The following CNTN5 variants were observed in gnomAD, a reference collection of about 807,000 sequenced individuals.
The protein encoded by CNTN5 is contactin 5.
Under a neutral mutation model 129.1 loss-of-function variants are expected in CNTN5, and 77 were observed. The observed-to-expected ratio is 0.60, with a 90% CI of 0.50 to 0.72. The LOEUF is 0.72. Among genes scored for constraint, CNTN5 ranks in the 30% least tolerant of loss-of-function variants. The pLI is 0.00. For missense variants in CNTN5, 1,478 were observed against 1,328.8 expected (o/e 1.11, Z -1.75); for synonymous variants, 509 against 465.6 (o/e 1.09, Z -1.20).
chr11:100,039,847 G>C (rs1415231568), intron 9 of CNTN5, among the ~76,000 whole-genome samples: 4 of 152,066 alleles, frequency 2.6e-5, no homozygotes, highest in Non-Finnish European at 5.9e-5. Flanking sequence ...TCTCTGCATT[G>C]GTTATCCTGG....
At chr11:99,051,528 A>G (rs993034455) in intron 1 of CNTN5, among the ~76,000 whole-genome samples, 1 of 151,962 alleles carries the variant, frequency 6.6e-6, no homozygotes, top group African/African-American at 2.4e-5. Context: ...TACTAGAAAC[A>G]AGCTTGGTTT....
chr11:99,352,832 G>A lies in CNTN5; in HGVS notation c.-71+27348G>A, dbSNP rs572297382. On this transcript the variant is annotated intron_variant, in intron 2 of 24. Coordinates refer to ENST00000524871, the MANE Select transcript of CNTN5 (RefSeq NM_014361.4). ...TGTCCTTGGGGTCAAGGGCCTTGTC[G>A]CACTTGTCAACATCACTTCTAGTCT... Among the ~76,000 whole-genome samples, 14 of 152,222 alleles carry A rather than the reference G, an allele frequency of 9.2e-5. No homozygotes were observed. The South Asian group carries it at 1.9e-3, about 20-fold the overall frequency.
chr11:100,348,099 C>T (rs989939504), intron 23 of CNTN5, among the ~76,000 whole-genome samples: 3 of 151,826 alleles, frequency 2.0e-5, no homozygotes, highest in African/African-American at 7.3e-5. Context: ...ATACATTAGA[C>T]AATTTTCTTT....
In CNTN5 at chr11:99,349,172, C is replaced by G. The variant is rs1377152949; in HGVS notation, c.-71+23688C>G. On this transcript the variant is annotated intron_variant, in intron 2 of 24. Coordinates refer to ENST00000524871, the MANE Select transcript of CNTN5 (RefSeq NM_014361.4). ...CTAATATTAGTCTATGGCCAGACCA[C>G]CCTGAATGTGCCCGATCGTGTCTGA... Among the ~76,000 whole-genome samples, 7 of 152,120 alleles carry G rather than the reference C, an allele frequency of 4.6e-5. No individual in the cohort carries two copies. In the South Asian group the frequency reaches 1.4e-3, roughly 31 times the overall value.
intron 21 of CNTN5, among the ~76,000 whole-genome samples, chr11:100,319,135 C>T (rs889597053): frequency 1.3e-5 from 2 of 150,730 alleles, no homozygotes; most frequent in Admixed American, 6.6e-5. Context: ...ATCCTGACTT[C>T]TGTTTTCTTT....
intron 3 of CNTN5, among the ~76,000 whole-genome samples, chr11:99,646,375 ATTGACACT>A (rs1951961880): frequency 6.6e-6 from 1 of 152,172 alleles, no homozygotes; most frequent in Non-Finnish European, 1.5e-5. Flanking sequence ...TTCTATCTGC[ATTGACACT>A]TTGCTTGTGT....
At chr11:99,898,076 T>A (rs1949255735) in intron 6 of CNTN5, among the ~76,000 whole-genome samples, 1 of 151,990 alleles carries the variant, frequency 6.6e-6, no homozygotes, top group South Asian at 2.1e-4. Flanking sequence ...AGTGAAGGCA[T>A]TGCTAAGAGG....
At chr11:100,062,824 A>G (rs1477508002) in intron 10 of CNTN5, among the ~76,000 whole-genome samples, 3 of 152,216 alleles carry the variant, frequency 2.0e-5, no homozygotes, top group Non-Finnish European at 4.4e-5. Context: ...ATAACTGTTC[A>G]TAATTCATAA....
intron 3 of CNTN5, among the ~76,000 whole-genome samples, chr11:99,681,834 T>C (rs912818867): frequency 2.0e-5 from 3 of 152,022 alleles, no homozygotes; most frequent in Admixed American, 2.0e-4. Flanking sequence ...CCAAAACATA[T>C]CTTAGTGAAA....
chr11:99,116,088 C>T (rs748092750), intron 1 of CNTN5, among the ~76,000 whole-genome samples: 4 of 152,080 alleles, frequency 2.6e-5, no homozygotes, highest in African/African-American at 4.8e-5. Flanking sequence ...ATAATTTTTA[C>T]CCTAGAATGA....
intron 15 of CNTN5, among the ~76,000 whole-genome samples, chr11:100,200,829 G>C (rs1948760951): frequency 6.6e-6 from 1 of 151,928 alleles, no homozygotes; most frequent in African/African-American, 2.4e-5. Flanking sequence ...AGTTAAATAT[G>C]CTTCTAGCTC....
intron 1 of CNTN5, among the ~76,000 whole-genome samples, chr11:99,234,080 C>T (rs571219815): frequency 6.6e-6 from 1 of 152,186 alleles, no homozygotes; most frequent in South Asian, 2.1e-4. Flanking sequence ...CAAATCCTGA[C>T]ACGTAAATTT....
chr11:99,112,885 T>G (rs1051081626), intron 1 of CNTN5, among the ~76,000 whole-genome samples: 1 of 151,876 alleles, frequency 6.6e-6, no homozygotes, highest in African/African-American at 2.4e-5. Context: ...ACTATCCCCC[T>G]TTTTTTAAAA....
chr11:99,202,437 C>A (rs1257724096), intron 1 of CNTN5, among the ~76,000 whole-genome samples: 2 of 152,102 alleles, frequency 1.3e-5, no homozygotes, highest in Admixed American at 1.3e-4. Flanking sequence ...AAAATACTTT[C>A]AAATATACAG....
At chr11:100,089,748 A>G (rs1944685096) in intron 13 of CNTN5, among the ~76,000 whole-genome samples, 1 of 152,168 alleles carries the variant, frequency 6.6e-6, no homozygotes, top group Non-Finnish European at 1.5e-5. Context: ...CTTTGCAGGG[A>G]CGTTGATGGA....
chr11:99,394,614 G>T lies in CNTN5; in HGVS notation c.-71+69130G>T, dbSNP rs529856321. Among the ~76,000 whole-genome samples the T allele has an allele frequency of 4.6e-5, 7 of 151,606 alleles. No individual in the cohort carries two copies. The South Asian group carries it at 6.2e-4, about 13-fold the overall frequency. Reference sequence around the variant, plus strand: ...TACATAGGTAAACTTTTGTTATGGGGTTTTTTGTACAGATTATTTCATCAC... The same window carrying T: ...TACATAGGTAAACTTTTGTTATGGGTTTTTTTGTACAGATTATTTCATCAC... On this transcript the variant is annotated intron_variant, in intron 2 of 24. Transcript: ENST00000524871.
intron 6 of CNTN5, among the ~76,000 whole-genome samples, chr11:99,901,862 C>T (rs1458270991): frequency 1.3e-5 from 2 of 152,108 alleles, no homozygotes; most frequent in African/African-American, 2.4e-5. Flanking sequence ...TAATGGCTGT[C>T]ATTTATTAAG....
At chr11:99,794,128 A>T (rs1489887837) in intron 3 of CNTN5, among the ~76,000 whole-genome samples, 2 of 149,954 alleles carry the variant, frequency 1.3e-5, no homozygotes, top group South Asian at 2.1e-4. Context: ...TAGGATAGAT[A>T]GGTCTTTTTG....
intron 3 of CNTN5, among the ~76,000 whole-genome samples, chr11:99,655,701 C>A (rs1401704167): frequency 6.6e-6 from 1 of 152,040 alleles, no homozygotes; most frequent in Non-Finnish European, 1.5e-5. Flanking sequence ...AATTCCATTG[C>A]TGCTTTATCC....
Sources: gnomAD v4.1 joint callset for allele counts (sites outside exome capture counted in the v4.1 genomes callset) on GRCh38, gnomAD v4.1.1 for gene constraint, MANE v1.5 for transcripts, NCBI Gene and HGNC (gene_info 2026-07-23, HGNC 2026-07-21) for gene names.